The following EPAS1 variants were observed in gnomAD, a reference collection of about 807,000 sequenced individuals.
EPAS1 encodes the protein endothelial PAS domain protein 1.
EPAS1 carries 23 observed loss-of-function variants against 87.9 expected under a neutral mutation model. The observed-to-expected ratio is 0.26, with a 90% CI of 0.19 to 0.37. The LOEUF (loss-of-function observed/expected upper bound fraction) is 0.37. Ranked by LOEUF, EPAS1 falls within the 10% of genes least tolerant of loss-of-function variation. The pLI, the probability that EPAS1 is intolerant of heterozygous loss-of-function variation, is 1.00. For missense variants in EPAS1, 1,138 were observed against 1,120.7 expected, an observed-to-expected ratio of 1.02 and a Z score of -0.22; for synonymous variants, 508 against 444.3, an observed-to-expected ratio of 1.14 and a Z score of -1.80.
rs1353243631 is a variant in EPAS1, at chr2:46,369,881, T to C, written c.834T>C (p.Tyr278=). ...AGGAGCTGCTTGGCCGCTCAGCCTA[T>C]GAATTCTACCATGCGCTAGACTCCG... The part of the protein sequence containing the change: ...HPEELLGRSA[Y]EFYHALDSEN... The change falls in exon 7 of 16, where the codon TAT becomes TAC. Residue 278 remains tyrosine, a synonymous_variant. Transcript: ENST00000263734. 6.2e-7 allele frequency: 1 copy of C among 1,613,266 alleles called. No individual in the cohort carries two copies. Among genetic ancestry groups the C allele is most frequent in the South Asian group, 1.1e-5 (1 of 90,746 alleles).
rs1375803493 is a variant in EPAS1, at chr2:46,375,192, A to AC, written c.887-498_887-497insC. 9.0e-5 allele frequency among the ~76,000 whole-genome samples: 11 copies of AC among 122,430 alleles called. No homozygotes were observed. The highest frequency in any genetic ancestry group is 4.9e-4 in the East Asian group (2 of 4,068). The allele number at this position is 122,430 out of a possible 152,430, so 80.3% of individuals were successfully genotyped here. Reference sequence around the variant, plus strand: ...GTGGGTCTGCTGAAAAAAAAAAACAAAAAAAAACAAAAAAAACTGCCCTGA... The same window carrying AC: ...GTGGGTCTGCTGAAAAAAAAAAACAACAAAAAAACAAAAAAAACTGCCCTGA... On this transcript the variant is annotated intron_variant, in intron 7 of 15. Transcript: ENST00000263734. This position sits in a 1 kb window ranked among gnomAD's most constrained non-coding sequence, Gnocchi z 4.1.
intron 6 of EPAS1, among the ~76,000 whole-genome samples, chr2:46,365,585 C>T (rs1057405409): frequency 2.6e-5 from 4 of 152,344 alleles, no homozygotes; most frequent in African/African-American, 7.2e-5. Context: ...CTTACCCCTA[C>T]AGGTACCCTG....
chr2:46,324,067 T>C (rs1288742321), intron 1 of EPAS1, among the ~76,000 whole-genome samples: 3 of 152,202 alleles, frequency 2.0e-5, no homozygotes, highest in African/African-American at 7.2e-5. Flanking sequence ...ATTATGGTTT[T>C]TTTGTTTGTT....
chr2:46,306,957 A>G lies in EPAS1; in HGVS notation c.26+9020A>G, dbSNP rs532341025. 3.9e-5 allele frequency among the ~76,000 whole-genome samples: 6 copies of G among 152,350 alleles called. No homozygotes were observed. The East Asian group carries it at 9.6e-4, about 24-fold the overall frequency. ...TGCAATATTTTTCTAAATGAAAACAATCACACTTAATAGAATTAATCAGGA... is the reference window on the plus strand; with the variant it reads ...TGCAATATTTTTCTAAATGAAAACAGTCACACTTAATAGAATTAATCAGGA... On this transcript the variant is annotated intron_variant, in intron 1 of 15. Coordinates refer to ENST00000263734, the MANE Select transcript of EPAS1 (RefSeq NM_001430.5).
chr2:46,336,737 G>A (rs1385383915), intron 1 of EPAS1, among the ~76,000 whole-genome samples: 1 of 152,184 alleles, frequency 6.6e-6, no homozygotes, highest in Non-Finnish European at 1.5e-5. Context: ...CTCAAAGTGT[G>A]AGGTCACAGA....
At position 46,376,654 on chromosome 2, in the gene EPAS1, G is replaced by C. The variant is rs1396288218; in HGVS notation, c.1150G>C (p.Glu384Gln). 3.7e-6 allele frequency: 6 copies of C among 1,614,168 alleles called. No homozygotes were observed. The highest frequency in any genetic ancestry group is 4.2e-6 in the Non-Finnish European group (5 of 1,180,028). ...TAGCAGTGGCAAGGGGGCTGTGTCT[G>C]AGAAGAGTAACTTCCTATTCACCAA... ...FDSSGKGAVS[E>Q]KSNFLFTKLK... is the part of the protein sequence containing the mutation. Residue 384 changes from glutamate (E) to glutamine (Q), a missense_variant, in exon 9 of 16, where the codon GAG (glutamate) becomes CAG (glutamine). Transcript: ENST00000263734.
At chr2:46,381,157 C>A in intron 12 of EPAS1, 1 of 347,560 alleles carries the variant, frequency 2.9e-6, no homozygotes, top group Non-Finnish European at 5.5e-6. Flanking sequence ...TCCAGAAATG[C>A]CTTCCCATCT....
chr2:46,307,578 C>T (rs1281258538), intron 1 of EPAS1, among the ~76,000 whole-genome samples: 1 of 152,128 alleles, frequency 6.6e-6, no homozygotes, highest in Non-Finnish European at 1.5e-5. Context: ...CTTGCCTCAG[C>T]TGATGTGCGC....
chr2:46,377,924 A>T lies in EPAS1; in HGVS notation c.1280A>T (p.Tyr427Phe), dbSNP rs1228571527. 2.6e-6 allele frequency: 4 copies of T among 1,554,366 alleles called. No homozygotes were observed. The highest frequency in any genetic ancestry group is 1.7e-4 in the Middle Eastern group (1 of 5,994). Residue 427 changes from tyrosine (Y) to phenylalanine (F), a missense_variant, in exon 10 of 16, where the codon TAT (tyrosine) becomes TTT (phenylalanine). Around this residue, in one of 4 missense-constraint regions of EPAS1, gnomAD observed 284 missense variants for 258.4 expected, o/e 1.10. Transcript: ENST00000263734. ...CAGAACTTCGAGGAGTCCTCAGCCT[A>T]TGGCAAGGCCATCCTGCCCCCGAGC... is the stretch of plus-strand genomic sequence containing the variant. The part of the protein sequence containing the change: ...GNQNFEESSA[Y>F]GKAILPPSQP...
chr2:46,382,294 G>A (rs1030099052), intron 14 of EPAS1, 131 bp from the exon 15 acceptor site: 5 of 1,252,112 alleles, frequency 4.0e-6, no homozygotes, highest in Non-Finnish European at 5.8e-6. Context: ...TGCCATCAGA[G>A]GGTCCTGAAG....
intron 6 of EPAS1, among the ~76,000 whole-genome samples, chr2:46,369,258 C>T (rs1189638603): frequency 6.6e-6 from 1 of 152,202 alleles, no homozygotes; most frequent in East Asian, 1.9e-4. Context: ...AAGGTTTAAG[C>T]ACAGACGGGT....
intron 1 of EPAS1, among the ~76,000 whole-genome samples, chr2:46,305,315 T>G (rs1475241177): frequency 6.6e-6 from 1 of 152,164 alleles, no homozygotes; most frequent in Non-Finnish European, 1.5e-5. Flanking sequence ...GTGACCTTGT[T>G]TTTTCTAATT....
At chr2:46,365,980 A>T (rs375264974) in intron 6 of EPAS1, among the ~76,000 whole-genome samples, 4 of 152,228 alleles carry the variant, frequency 2.6e-5, no homozygotes, top group African/African-American at 9.6e-5. Flanking sequence ...TCATCCTCTT[A>T]AACAGTTTAA....
At chr2:46,381,464 A>G in intron 12 of EPAS1, 132 bp from the exon 13 acceptor site, 1 of 1,450,112 alleles carries the variant, frequency 6.9e-7, no homozygotes, top group Non-Finnish European at 9.6e-7. Flanking sequence ...CCTGCCTCTG[A>G]GACTCTGCCT....
In EPAS1 at chr2:46,376,606, A is replaced by G; in HGVS notation, c.1102A>G (p.Met368Val). Residue 368 changes from methionine to valine, a missense_variant, in exon 9 of 16, where the codon ATG becomes GTG. This residue lies in a region of EPAS1 where 284 missense variants were observed against 258.4 expected (regional missense o/e 1.10). Coordinates refer to ENST00000263734, the MANE Select transcript of EPAS1 (RefSeq NM_001430.5). Reference sequence around the variant, plus strand: ...TGAATCCCTGTTCAAGCCCCACCTGATGGCCATGAACAGCATCTTTGATAG... The same window carrying G: ...TGAATCCCTGTTCAAGCCCCACCTGGTGGCCATGAACAGCATCTTTGATAG... ...QTESLFKPHLMAMNSIFDSSG... is the reference protein window; with the variant it reads ...QTESLFKPHLVAMNSIFDSSG... 3 of 1,614,170 alleles carry G rather than the reference A, an allele frequency of 1.9e-6. No homozygotes were observed. The highest frequency in any genetic ancestry group is 2.5e-6 in the Non-Finnish European group (3 of 1,180,032).
At chr2:46,351,955 G>T (rs998485742) in intron 2 of EPAS1, among the ~76,000 whole-genome samples, 2 of 151,906 alleles carry the variant, frequency 1.3e-5, no homozygotes, top group Admixed American at 6.6e-5. Flanking sequence ...GCGTTGCTCC[G>T]GAAAAAGTGC....
intron 1 of EPAS1, among the ~76,000 whole-genome samples, chr2:46,303,708 T>G (rs959095709): frequency 6.6e-6 from 1 of 152,168 alleles, no homozygotes; most frequent in African/African-American, 2.4e-5. Context: ...CTAAAGGAAG[T>G]CTGTTCAGCT....
rs940960270 is a variant in EPAS1, at chr2:46,378,917, A to G, written c.1554+150A>G. ...CCAGGTCCCCTAAAGAGGTAGGGGT[A>G]CAGGGTAATGGAGCCTGTGGTCACC... is the stretch of plus-strand genomic sequence containing the variant. On this transcript the variant is annotated intron_variant, in intron 11 of 15. Coordinates refer to ENST00000263734, the MANE Select transcript of EPAS1 (RefSeq NM_001430.5). 7.9e-5 allele frequency: 59 copies of G among 746,056 alleles called. 1 individual carries two copies. In the Admixed American group the frequency reaches 1.2e-3, roughly 15 times the overall value. 46.2% of individuals were successfully genotyped at this position (746,056 alleles called of 1,614,324 possible).
At chr2:46,367,000 G>T (rs1016321515) in intron 6 of EPAS1, among the ~76,000 whole-genome samples, 1 of 152,224 alleles carries the variant, frequency 6.6e-6, no homozygotes, top group African/African-American at 2.4e-5. Context: ...TTGGGATGTG[G>T]TGTATTTCCC....
Sources: allele counts gnomAD v4.1 joint callset (sites outside exome capture counted in the v4.1 genomes callset), GRCh38; gene constraint gnomAD v4.1.1; regional missense constraint gnomAD v4.1.1; non-coding constraint Gnocchi (gnomAD v3.1); transcripts MANE v1.5; gene names NCBI Gene and HGNC (gene_info 2026-07-23, HGNC 2026-07-21).